RPS3: variants seen among roughly 807,000 people sequenced by gnomAD.
RPS3 encodes the protein ribosomal protein S3.
In RPS3, 2 loss-of-function variants were observed where a neutral mutation model predicts 25.8. The observed-to-expected ratio is 0.08, with a 90% CI of 0.03 to 0.24. The LOEUF is 0.24. RPS3 is among the 10% of genes least tolerant of loss of function. RPS3 has a pLI of 1.00. For synonymous variants in RPS3, 114 were observed against 114.2 expected (o/e 1.00, Z 0.01); for missense variants, 107 against 307.1 (o/e 0.35, Z 4.87).
intron 4 of RPS3, chr11:75,403,625 T>C (rs1274709380): frequency 1.3e-5 from 2 of 158,154 alleles, no homozygotes; most frequent in Admixed American, 6.4e-5. Flanking sequence ...AAGTGGGTAA[T>C]TGTGGAGTGT....
At chr11:75,410,422 A>G (rs981767177), downstream of RPS3, among the ~76,000 whole-genome samples, 9 of 150,238 alleles carry the variant, frequency 6.0e-5, no homozygotes, top group African/African-American at 2.2e-4. Context: ...CTCACTTCCT[A>G]GATGGGATGG....
intron 6 of RPS3, among the ~76,000 whole-genome samples, chr11:75,412,899 A>C (rs1426039020): frequency 6.6e-6 from 1 of 151,914 alleles, no homozygotes; most frequent in Non-Finnish European, 1.5e-5. Context: ...CTCAGCCTCA[A>C]GAGGTGGGAC....
At chr11:75,400,381 G>A (rs1188554935) in intron 1 of RPS3, 1 of 531,622 alleles carries the variant, frequency 1.9e-6, no homozygotes, top group Non-Finnish European at 3.7e-6. Context: ...ATGTGGAACT[G>A]TTTTAAACCC....
At chr11:75,402,267 A>T (rs1454517093) in intron 3 of RPS3, 85 bp from the exon 4 acceptor site, 1 of 1,587,086 alleles carries the variant, frequency 6.3e-7, no homozygotes, top group Admixed American at 1.7e-5. Context: ...GTAGAAAGTG[A>T]TACTTGTGTG....
In RPS3 at chr11:75,405,682, C is replaced by G. The variant is rs1387385302; in HGVS notation, c.*72C>G. Reference sequence around the variant, plus strand: ...TAAAGACCTTTAATAAAATTTTGTACAAAGACACAAGGTCTGACTAGACTG... The same window carrying G: ...TAAAGACCTTTAATAAAATTTTGTAGAAAGACACAAGGTCTGACTAGACTG... On this transcript the variant is annotated 3_prime_UTR_variant, in exon 7 of 7. Coordinates refer to ENST00000531188, the MANE Select transcript of RPS3 (RefSeq NM_001005.5). 2.2e-6 allele frequency: 1 copy of G among 455,968 alleles called. No individual in the cohort carries two copies. Among genetic ancestry groups the G allele is most frequent in the South Asian group, 1.5e-5 (1 of 64,530 alleles). The allele number at this position is 455,968 out of a possible 1,614,324, so 28.2% of individuals were successfully genotyped here.
intron 6 of RPS3, among the ~76,000 whole-genome samples, chr11:75,413,023 T>TTGGCC (rs1271692949): frequency 6.6e-6 from 1 of 152,222 alleles, no homozygotes; most frequent in African/African-American, 2.4e-5. Flanking sequence ...TCTGCCCACC[T>TTGGCC]TGGCCTCCCA....
At position 75,400,553 on chromosome 11, in the gene RPS3, G is replaced by C. The variant is rs368682282; in HGVS notation, c.31-141G>C. On this transcript the variant is annotated intron_variant, in intron 1 of 6. Transcript: ENST00000531188. ...GTCTGAGAAGGGTTGCTGCACTCCT[G>C]TTGGAACAAGGGTTTGGAACCATTG... 2.3e-3 allele frequency: 2,925 copies of C among 1,252,602 alleles called. 5 individuals carry two copies. The highest frequency in any genetic ancestry group is 2.8e-3 in the South Asian group (233 of 83,720). 77.6% of individuals were successfully genotyped at this position (1,252,602 alleles called of 1,614,324 possible).
rs771091990 is a variant in RPS3 at position 75,399,541 on chromosome 11, C to T, written c.-7C>T. ...TTCCTTTCCTTTCAGCGGAGCGCGG[C>T]GGCAAGATGGCAGTGCAAATATCCA... is the stretch of plus-strand genomic sequence containing the variant. On this transcript the variant is annotated 5_prime_UTR_variant, in exon 1 of 7. Coordinates refer to ENST00000531188, the MANE Select transcript of RPS3 (RefSeq NM_001005.5). 1.9e-6 allele frequency: 3 copies of T among 1,613,882 alleles called. No individual in the cohort carries two copies. Among genetic ancestry groups the T allele is most frequent in the Middle Eastern group, 1.6e-4 (1 of 6,062 alleles).
chr11:75,420,777 C>G (rs530369425), intron 6 of RPS3, among the ~76,000 whole-genome samples: 2 of 152,034 alleles, frequency 1.3e-5, no homozygotes, highest in Middle Eastern at 6.8e-3. Context: ...AAAGAAAGAC[C>G]TGGCCATGTG....
At position 75,406,013 on chromosome 11, in the gene RPS3, C is replaced by A; in HGVS notation, c.*403C>A. On this transcript the variant is annotated 3_prime_UTR_variant, in exon 7 of 7. Transcript: ENST00000531188. ...CCATTATATTTTGTGTCATGCTGTG[C>A]TCTAAGTGTTCTTTACATATGTACT... 6.0e-6 allele frequency: 1 copy of A among 166,764 alleles called. No individual in the cohort carries two copies. Among genetic ancestry groups the A allele is most frequent in the Non-Finnish European group, 1.3e-5 (1 of 77,110 alleles). The allele number at this position is 166,764 out of a possible 1,614,324, so 10.3% of individuals were successfully genotyped here. A position where few individuals can be genotyped will look rare whatever the true frequency, so the allele number is the denominator to read the frequency against.
rs572027112 is a variant in RPS3 at position 75,420,790 on chromosome 11, C to T, written c.*4-937C>T. Reference sequence around the variant, plus strand: ...TAAAAGAAAGACCTGGCCATGTGCCCGGTGATAGAGGAGGGCAGCGGATAA... The same window carrying T: ...TAAAAGAAAGACCTGGCCATGTGCCTGGTGATAGAGGAGGGCAGCGGATAA... On this transcript the variant is annotated intron_variant, in intron 6 of 6. Coordinates refer to the RPS3 transcript ENST00000527446. 2.0e-5 allele frequency among the ~76,000 whole-genome samples: 3 copies of T among 151,928 alleles called. No individual in the cohort carries two copies. In the East Asian group the frequency reaches 5.8e-4, roughly 30 times the overall value.
intron 2 of RPS3, 114 bp from the exon 3 acceptor site, chr11:75,401,526 G>C: frequency 1.3e-6 from 1 of 756,886 alleles, no homozygotes. Context: ...TTTAGTTTTT[G>C]TCAATGAAAA....
At chr11:75,399,712 C>G (rs1204623705) in intron 1 of RPS3, 135 bp downstream of exon 1, 1 of 750,546 alleles carries the variant, frequency 1.3e-6, no homozygotes, top group Non-Finnish European at 2.2e-6. Flanking sequence ...TCCTGCGGGC[C>G]GCGGATGGCG....
In RPS3 at chr11:75,404,594, C is replaced by A; in HGVS notation, c.539-78C>A. ...CCAGACCCAGGGGTGCTTGAGTAAA[C>A]TGCTTGCTCTCTTTGGTCTTGTGTG... On this transcript the variant is annotated intron_variant, in intron 5 of 6. Coordinates refer to ENST00000531188, the MANE Select transcript of RPS3 (RefSeq NM_001005.5). The surrounding 1 kb of genome is among the most constrained non-coding windows in gnomAD (Gnocchi z 4.6). 1 of 1,426,226 alleles carries A rather than the reference C, an allele frequency of 7.0e-7. No homozygotes were observed. Among genetic ancestry groups the A allele is most frequent in the Non-Finnish European group, 9.9e-7 (1 of 1,011,500 alleles). 88.3% of individuals were successfully genotyped at this position (1,426,226 alleles called of 1,614,324 possible). A position where few individuals can be genotyped will look rare whatever the true frequency, so the allele number is the denominator to read the frequency against.
At chr11:75,418,808 C>T (rs1239680190) in intron 6 of RPS3, among the ~76,000 whole-genome samples, 1 of 152,172 alleles carries the variant, frequency 6.6e-6, no homozygotes, top group Admixed American at 6.5e-5. Flanking sequence ...AACCCCTCAG[C>T]CTGCCCAGGT....
Position 75,404,231 on chromosome 11 carries a change from A to G in RPS3, c.538+24A>G. On this transcript the variant is annotated intron_variant, in intron 5 of 6. Coordinates refer to ENST00000531188, the MANE Select transcript of RPS3 (RefSeq NM_001005.5). The surrounding 1 kb of genome is among the most constrained non-coding windows in gnomAD (Gnocchi z 4.6). ...GGGTGAGCAGCTGAGAGTGCTTGGC[A>G]AAGGGCATTTGTGGACAGATTTGGT... 1 of 1,603,444 alleles carries G rather than the reference A, an allele frequency of 6.2e-7. No homozygotes were observed. Among genetic ancestry groups the G allele is most frequent in the Non-Finnish European group, 8.5e-7 (1 of 1,172,382 alleles).
chr11:75,416,024 G>A (rs1202670539), intron 6 of RPS3, among the ~76,000 whole-genome samples: 2 of 150,964 alleles, frequency 1.3e-5, no homozygotes, highest in African/African-American at 4.9e-5. Context: ...AGAAAACTTG[G>A]ACAATAAAGG....
At chr11:75,407,091 C>T (rs1592027185), downstream of RPS3, among the ~76,000 whole-genome samples, 1 of 152,182 alleles carries the variant, frequency 6.6e-6, no homozygotes, top group African/African-American at 2.4e-5. Context: ...AGATGTGCTG[C>T]CCCTCCCTCA....
downstream of RPS3, among the ~76,000 whole-genome samples, chr11:75,410,302 A>G (rs1948339169): frequency 6.8e-6 from 1 of 147,028 alleles, no homozygotes; most frequent in Admixed American, 6.7e-5. Context: ...GGGTTTCCTC[A>G]CTTCTCAGAC....
Sources: gnomAD v4.1 joint callset for allele counts (sites outside exome capture counted in the v4.1 genomes callset) on GRCh38, gnomAD v4.1.1 for gene constraint, Gnocchi (gnomAD v3.1) non-coding constraint, MANE v1.5 for transcripts, NCBI Gene and HGNC (gene_info 2026-07-23, HGNC 2026-07-21) for gene names.